Variants in PCED1B observed in about 807,000 individuals in gnomAD.
The protein encoded by PCED1B is PC-esterase domain containing 1B.
For missense variants in PCED1B, 573 were observed against 573.9 expected (o/e 1.00, Z 0.02); for synonymous variants, 251 against 246.1 (o/e 1.02, Z -0.19).
At chr12:47,082,611 A>T (rs374904272) in intron 1 of PCED1B, among the ~76,000 whole-genome samples, 2 of 152,214 alleles carry the variant, frequency 1.3e-5, no homozygotes, top group East Asian at 1.9e-4. Context: ...AGCCTTTATT[A>T]TATGCCAGAC....
chr12:47,171,666 AAAAG>A (rs1195343954), intron 2 of PCED1B, among the ~76,000 whole-genome samples: 1 of 152,198 alleles, frequency 6.6e-6, no homozygotes, highest in Non-Finnish European at 1.5e-5. Context: ...TTCTCCTGAT[AAAAG>A]AAAGATAATA....
chr12:47,179,669 A>G (rs982020109), intron 2 of PCED1B, among the ~76,000 whole-genome samples: 8 of 152,080 alleles, frequency 5.3e-5, no homozygotes, highest in Admixed American at 4.6e-4. Flanking sequence ...ATCACTTCTC[A>G]TTTTTCCAGT....
At chr12:47,191,407 C>T (rs144005159) in intron 2 of PCED1B, among the ~76,000 whole-genome samples, 1 of 152,282 alleles carries the variant, frequency 6.6e-6, no homozygotes, top group Non-Finnish European at 1.5e-5. Flanking sequence ...TTCTATACCC[C>T]AGTGTCAGCA....
At chr12:47,149,666 T>G (rs958608451) in intron 2 of PCED1B, among the ~76,000 whole-genome samples, 2 of 152,222 alleles carry the variant, frequency 1.3e-5, no homozygotes, top group Non-Finnish European at 2.9e-5. Flanking sequence ...TTTTAATAGC[T>G]TTTTCTTTTT....
At chr12:47,094,665 T>C (rs1938403942) in intron 1 of PCED1B, among the ~76,000 whole-genome samples, 1 of 152,176 alleles carries the variant, frequency 6.6e-6, no homozygotes, top group Non-Finnish European at 1.5e-5. Context: ...GCCACTCCTC[T>C]GATACTGTTA....
intron 2 of PCED1B, among the ~76,000 whole-genome samples, chr12:47,148,535 ACCACAGCC>A (rs1317799482): frequency 1.3e-5 from 2 of 152,212 alleles, no homozygotes; most frequent in Non-Finnish European, 2.9e-5. Context: ...GCAGCAATTC[ACCACAGCC>A]CCTGAAACTC....
chr12:47,230,305 C>A (rs994505751), intron 3 of PCED1B, among the ~76,000 whole-genome samples: 1 of 152,020 alleles, frequency 6.6e-6, no homozygotes, highest in Admixed American at 6.6e-5. Flanking sequence ...AGGATGGTCT[C>A]CATCTCGTGA....
Position 47,235,852 on chromosome 12 carries a change from C to A in PCED1B, c.789C>A (p.Gly263=), listed in dbSNP as rs373212050. 1.9e-6 allele frequency: 3 copies of A among 1,575,328 alleles called. No individual in the cohort carries two copies. The highest frequency in any genetic ancestry group is 3.8e-5 in the Admixed American group (2 of 53,146). The change falls in exon 4 of 4, where the codon GGC becomes GGA. Residue 263 remains glycine (G), a synonymous_variant. Transcript: ENST00000546455. ...GVELPHRHPV[G]EWIKKKKPGP... is the part of the protein sequence containing the mutation. ...AGCTGCCCCACCGCCACCCCGTGGGCGAGTGGATCAAGAAGAAAAAACCTG... is the reference window on the plus strand; with the variant it reads ...AGCTGCCCCACCGCCACCCCGTGGGAGAGTGGATCAAGAAGAAAAAACCTG...
intron 3 of PCED1B, among the ~76,000 whole-genome samples, chr12:47,218,851 C>T (rs559664318): frequency 1.3e-5 from 2 of 151,816 alleles, no homozygotes; most frequent in Admixed American, 6.6e-5. Flanking sequence ...TTCCATAGAT[C>T]GGCCGCCTGT....
chr12:47,236,272 T>C lies in PCED1B; in HGVS notation c.1209T>C (p.Tyr403=). The C allele has an allele frequency of 1.2e-6, 2 of 1,614,154 alleles. No individual in the cohort carries two copies. The highest frequency in any genetic ancestry group is 2.2e-5 in the South Asian group (2 of 91,086). ...TGGTACATAGGGGTTTTGGCAGGTATCGTCCCCGTGGCCCCTATACGCCCT... is the reference window on the plus strand; with the variant it reads ...TGGTACATAGGGGTTTTGGCAGGTACCGTCCCCGTGGCCCCTATACGCCCT... ...APVVHRGFGR[Y]RPRGPYTPWG... The change falls in exon 4 of 4, where the codon TAT becomes TAC. Residue 403 remains tyrosine, a synonymous_variant. Transcript: ENST00000546455.
At chr12:47,224,513 G>A (rs1943577298) in intron 3 of PCED1B, among the ~76,000 whole-genome samples, 1 of 152,170 alleles carries the variant, frequency 6.6e-6, no homozygotes, top group Non-Finnish European at 1.5e-5. Context: ...GGCCTGGTAG[G>A]GATGATACAA....
At chr12:47,185,898 A>G (rs1942244273) in intron 2 of PCED1B, among the ~76,000 whole-genome samples, 1 of 152,276 alleles carries the variant, frequency 6.6e-6, no homozygotes, top group South Asian at 2.1e-4. Flanking sequence ...AGGAGTATTC[A>G]GTAATAAGTA....
At chr12:47,081,905 G>C (rs1937747407) in intron 1 of PCED1B, among the ~76,000 whole-genome samples, 1 of 152,180 alleles carries the variant, frequency 6.6e-6, no homozygotes. Context: ...CAGGCATATT[G>C]TAGAAACATT....
intron 1 of PCED1B, among the ~76,000 whole-genome samples, chr12:47,102,852 G>A (rs996943187): frequency 1.3e-5 from 2 of 152,198 alleles, no homozygotes; most frequent in Non-Finnish European, 2.9e-5. Context: ...TATAAGTAAC[G>A]TAGAAGAGTT....
In PCED1B at chr12:47,119,246, T is replaced by A. The variant is rs529521528; in HGVS notation, c.-526+15051T>A. Among the ~76,000 whole-genome samples, 3 of 152,200 alleles carry A rather than the reference T, an allele frequency of 2.0e-5. No homozygotes were observed. In the East Asian group the frequency reaches 5.8e-4, roughly 29 times the overall value. ...ACCAAATATAAAAATTAATCCTAAATAGATCAAAGGCCTAAACTTAAGAGC... is the reference window on the plus strand; with the variant it reads ...ACCAAATATAAAAATTAATCCTAAAAAGATCAAAGGCCTAAACTTAAGAGC... On this transcript the variant is annotated intron_variant, in intron 2 of 3. Transcript: ENST00000546455.
At chr12:47,188,941 C>T (rs10881069) in intron 2 of PCED1B, among the ~76,000 whole-genome samples, 64,849 of 151,948 alleles carry the variant, frequency 0.43, 16,821 homozygotes, top group South Asian at 0.59. Flanking sequence ...GGCATTTTGC[C>T]CCATTTTCAT....
intron 2 of PCED1B, among the ~76,000 whole-genome samples, chr12:47,167,617 AAGTG>A (rs1352714793): frequency 2.6e-5 from 4 of 152,240 alleles, no homozygotes; most frequent in African/African-American, 4.8e-5. Flanking sequence ...CCCTACAATG[AAGTG>A]AGTGTCATAA....
At chr12:47,080,928 C>G (rs1937677848) in intron 1 of PCED1B, among the ~76,000 whole-genome samples, 1 of 152,118 alleles carries the variant, frequency 6.6e-6, no homozygotes, top group Non-Finnish European at 1.5e-5. Flanking sequence ...AAGTAAGGGG[C>G]GTGTGCGCGG....
In PCED1B at chr12:47,235,407, C is replaced by G; in HGVS notation, c.344C>G (p.Ala115Gly). The G allele has an allele frequency of 6.2e-7, 1 of 1,614,184 alleles. No homozygotes were observed. Among genetic ancestry groups the G allele is most frequent in the Non-Finnish European group, 8.5e-7 (1 of 1,180,040 alleles). ...ILKELQSGEHAPDLVIMNSCL... is the reference protein window; with the variant it reads ...ILKELQSGEHGPDLVIMNSCL... ...AAAGAGCTGCAGTCGGGCGAGCACG[C>G]CCCCGACCTGGTCATCATGAATTCC... The change falls in exon 4 of 4, where the codon GCC becomes GGC. Residue 115 changes from alanine (A) to glycine (G), a missense_variant. Transcript: ENST00000546455.
Sources: allele counts gnomAD v4.1 joint callset (sites outside exome capture counted in the v4.1 genomes callset), GRCh38; gene constraint gnomAD v4.1.1; transcripts MANE v1.5; gene names NCBI Gene and HGNC (gene_info 2026-07-23, HGNC 2026-07-21).